Variants in MINDY4 observed in about 807,000 individuals in gnomAD.
MINDY4 encodes the protein MINDY lysine 48 deubiquitinase 4, also known as probable ubiquitin carboxyl-terminal hydrolase MINDY-4.
MINDY4 carries 68 observed loss-of-function variants against 87.0 expected under a neutral mutation model. That is an observed-to-expected ratio of 0.78 (90% CI 0.64 to 0.96). MINDY4 has a LOEUF of 0.96. Among genes scored for constraint, MINDY4 ranks in the 40% least tolerant of loss-of-function variants. The probability of loss-of-function intolerance (pLI) is 0.00; values close to 1 mark genes in which losing one functional copy is unlikely to be tolerated. For missense variants in MINDY4, 919 were observed against 928.2 expected, an observed-to-expected ratio of 0.99 and a Z score of 0.13; for synonymous variants, 379 against 363.2, an observed-to-expected ratio of 1.04 and a Z score of -0.50.
At chr7:30,877,482 T>C (rs1790298168) in intron 15 of MINDY4, among the ~76,000 whole-genome samples, 1 of 152,126 alleles carries the variant, frequency 6.6e-6, no homozygotes, top group Admixed American at 6.5e-5. Flanking sequence ...AGCTGAGGAC[T>C]GGGAGTTTTG....
In MINDY4 at chr7:30,828,664, T is replaced by G. The variant is rs1788595094; in HGVS notation, c.1074-15T>G. On this transcript the variant is annotated splice_polypyrimidine_tract_variant and intron_variant, in intron 5 of 17. Transcript: ENST00000265299. The stretch of plus-strand genomic sequence containing the variant: ...GTCAGTCTCCTCTGGTACATTGATA[T>G]TTTCTATTTTCCAGGAAAAATCAGT... 6.2e-7 allele frequency: 1 copy of G among 1,613,574 alleles called. No individual in the cohort carries two copies. Among genetic ancestry groups the G allele is most frequent in the Admixed American group, 1.7e-5 (1 of 60,012 alleles).
chr7:30,817,780 T>C (rs1330941693), intron 5 of MINDY4, among the ~76,000 whole-genome samples: 1 of 152,220 alleles, frequency 6.6e-6, no homozygotes, highest in Non-Finnish European at 1.5e-5. Flanking sequence ...TGCGTGTCCA[T>C]CCACTTCCTA....
intron 5 of MINDY4, among the ~76,000 whole-genome samples, chr7:30,819,543 C>T (rs1380811944): frequency 6.6e-6 from 1 of 152,006 alleles, no homozygotes; most frequent in Non-Finnish European, 1.5e-5. Context: ...TGTTATTTTT[C>T]TGCTTGATCT....
intron 5 of MINDY4, among the ~76,000 whole-genome samples, chr7:30,821,534 T>C (rs1788330269): frequency 6.6e-6 from 1 of 152,224 alleles, no homozygotes; most frequent in Non-Finnish European, 1.5e-5. Flanking sequence ...ATTCCAGTAG[T>C]TTTAAAATGA....
chr7:30,779,241 C>T (rs1274073499), intron 2 of MINDY4, among the ~76,000 whole-genome samples: 1 of 152,216 alleles, frequency 6.6e-6, no homozygotes, highest in African/African-American at 2.4e-5. Context: ...TTGGACACAG[C>T]AGAAGCCAGA....
intron 1 of MINDY4, among the ~76,000 whole-genome samples, chr7:30,774,082 C>T (rs1584220288): frequency 6.6e-6 from 1 of 152,230 alleles, no homozygotes; most frequent in Non-Finnish European, 1.5e-5. Flanking sequence ...TGGCCACTCA[C>T]CCTTGTGGTG....
At chr7:30,798,943 G>T (rs893959792) in intron 5 of MINDY4, among the ~76,000 whole-genome samples, 1 of 152,108 alleles carries the variant, frequency 6.6e-6, no homozygotes, top group African/African-American at 2.4e-5. Flanking sequence ...TTCTCCTCTG[G>T]CACTGGGGTT....
At chr7:30,801,768 G>A (rs771192830) in intron 5 of MINDY4, among the ~76,000 whole-genome samples, 1 of 152,154 alleles carries the variant, frequency 6.6e-6, no homozygotes. Flanking sequence ...GATCTGATGC[G>A]TCTGCAGAGG....
Position 30,861,376 on chromosome 7 carries a change from C to T in MINDY4, c.1745+2052C>T, listed in dbSNP as rs368653636. Among the ~76,000 whole-genome samples the T allele has an allele frequency of 6.6e-5, 10 of 152,362 alleles. 1 individual carries two copies. The East Asian group carries it at 1.2e-3, about 18-fold the overall frequency. On this transcript the variant is annotated intron_variant, in intron 13 of 17. Transcript: ENST00000265299. ...TGAACGCATCGAGTCCACAGCAGCC[C>T]TGTTAGGTGGGTGCTGCTGTGAGTG... is the stretch of plus-strand genomic sequence containing the variant.
rs556019637 is a variant in MINDY4, at chr7:30,881,224, G to A, written c.1972-957G>A. On this transcript the variant is annotated intron_variant, in intron 15 of 17. Transcript: ENST00000265299. ...AGGGGCTGGGGGAAAGTGCATGGAG[G>A]CCAGGCATTCAGGGGCTTCACAGGG... 4.1e-4 allele frequency among the ~76,000 whole-genome samples: 62 copies of A among 152,254 alleles called. No homozygotes were observed. The South Asian group carries it at 7.0e-3, about 17-fold the overall frequency.
intron 5 of MINDY4, among the ~76,000 whole-genome samples, chr7:30,810,505 A>G (rs888571656): frequency 3.3e-5 from 5 of 152,196 alleles, no homozygotes; most frequent in African/African-American, 9.6e-5. Flanking sequence ...ATAATTATAT[A>G]CAAAAAATTC....
intron 4 of MINDY4, among the ~76,000 whole-genome samples, chr7:30,789,154 C>G (rs1309588610): frequency 9.2e-6 from 1 of 108,794 alleles, no homozygotes; most frequent in African/African-American, 4.0e-5. Flanking sequence ...GGTTGGTGGA[C>G]TACTCTGAGG....
chr7:30,828,177 TAAA>T (rs1371139931), intron 5 of MINDY4, among the ~76,000 whole-genome samples: 1 of 152,206 alleles, frequency 6.6e-6, no homozygotes, highest in African/African-American at 2.4e-5. Flanking sequence ...AGGGTTCCTT[TAAA>T]CACTTTGGTG....
At chr7:30,800,117 G>GAAGTATTT (rs1346632689) in intron 5 of MINDY4, among the ~76,000 whole-genome samples, 2 of 152,180 alleles carry the variant, frequency 1.3e-5, no homozygotes, top group Non-Finnish European at 2.9e-5. Context: ...CAGCAGCTGG[G>GAAGTATTT]AAGTATTTAC....
intron 5 of MINDY4, among the ~76,000 whole-genome samples, chr7:30,801,491 G>T (rs1271282709): frequency 6.6e-6 from 1 of 151,936 alleles, no homozygotes; most frequent in African/African-American, 2.4e-5. Context: ...TGCCATTGAT[G>T]CCCGATGCTC....
At chr7:30,875,729 A>C in intron 15 of MINDY4, 73 bp downstream of exon 15, 1 of 1,499,374 alleles carries the variant, frequency 6.7e-7, no homozygotes, top group Non-Finnish European at 9.0e-7. Context: ...GAAGTGGGGA[A>C]GGAAAGCTGG....
chr7:30,794,270 TC>T (rs1356518935), intron 5 of MINDY4, among the ~76,000 whole-genome samples: 1 of 152,140 alleles, frequency 6.6e-6, no homozygotes, highest in Non-Finnish European at 1.5e-5. Flanking sequence ...TGGGTCTCAG[TC>T]CTAGTGTGTA....
intron 12 of MINDY4, among the ~76,000 whole-genome samples, chr7:30,853,881 C>T (rs548012559): frequency 6.6e-5 from 10 of 152,292 alleles, no homozygotes; most frequent in South Asian, 6.2e-4. Context: ...AACCAGAAAG[C>T]GGCTTCTTGG....
intron 5 of MINDY4, among the ~76,000 whole-genome samples, chr7:30,798,537 C>G (rs959872254): frequency 3.3e-5 from 5 of 152,028 alleles, no homozygotes; most frequent in Non-Finnish European, 7.4e-5. Context: ...CGCTGTGTCG[C>G]CCAGGCTGGA....
Sources: gnomAD v4.1 joint callset for allele counts (sites outside exome capture counted in the v4.1 genomes callset) on GRCh38, gnomAD v4.1.1 for gene constraint, MANE v1.5 for transcripts, NCBI Gene and HGNC (gene_info 2026-07-23, HGNC 2026-07-21) for gene names.